The following ERC1 variants were observed in gnomAD, a reference collection of about 807,000 sequenced individuals.
ERC1 encodes the protein ELKS/RAB6-interacting/CAST family member 1, also known as RAB6 interacting protein 2.
In ERC1, 56 loss-of-function variants were observed where a neutral mutation model predicts 132.0. The observed-to-expected ratio is 0.42, with a 90% CI of 0.34 to 0.53. ERC1 has a LOEUF of 0.53. Among genes scored for constraint, ERC1 ranks in the 20% least tolerant of loss-of-function variants. The probability of loss-of-function intolerance (pLI) is 0.03; values close to 1 mark genes in which losing one functional copy is unlikely to be tolerated. For synonymous variants in ERC1, 478 were observed against 476.1 expected, an observed-to-expected ratio of 1.00 and a Z score of -0.05; for missense variants, 1,202 against 1,349.9, an observed-to-expected ratio of 0.89 and a Z score of 1.72.
intron 8 of ERC1, among the ~76,000 whole-genome samples, chr12:1,154,223 GTA>G (rs1376437996): frequency 3.9e-4 from 28 of 71,696 alleles, no homozygotes; most frequent in African/African-American, 2.2e-3. Flanking sequence ...GTATGTATAT[GTA>G]TATGTATATG....
At chr12:1,064,730 G>A (rs1449089202) in intron 2 of ERC1, among the ~76,000 whole-genome samples, 1 of 152,128 alleles carries the variant, frequency 6.6e-6, no homozygotes, top group Non-Finnish European at 1.5e-5. Flanking sequence ...TGACAACTTG[G>A]CAATAATGTA....
intron 2 of ERC1, among the ~76,000 whole-genome samples, chr12:1,063,740 T>C (rs1429138774): frequency 6.6e-6 from 1 of 152,218 alleles, no homozygotes; most frequent in African/African-American, 2.4e-5. Flanking sequence ...TCCTGTCATT[T>C]TGTTGTTTTC....
chr12:1,067,775 A>G (rs1357211766), intron 2 of ERC1, among the ~76,000 whole-genome samples: 1 of 152,178 alleles, frequency 6.6e-6, no homozygotes, highest in Non-Finnish European at 1.5e-5. Context: ...AAAGGTACAT[A>G]TGAATCAGCA....
intron 12 of ERC1, among the ~76,000 whole-genome samples, chr12:1,226,144 C>G (rs1173014292): frequency 2.6e-5 from 4 of 152,030 alleles, no homozygotes; most frequent in Admixed American, 6.5e-5. Flanking sequence ...TGGCTGAATT[C>G]TTCTGTAGAT....
intron 15 of ERC1, among the ~76,000 whole-genome samples, chr12:1,366,476 C>T (rs186794049): frequency 1.2e-4 from 18 of 152,240 alleles, no homozygotes; most frequent in African/African-American, 4.3e-4. Context: ...GAGAAAGCTA[C>T]AGGCATTTCA....
At chr12:1,287,409 A>G (rs964314122) in intron 14 of ERC1, among the ~76,000 whole-genome samples, 3 of 152,210 alleles carry the variant, frequency 2.0e-5, no homozygotes, top group Admixed American at 6.5e-5. Flanking sequence ...GTGCCCGGAT[A>G]CTTGCTCCGA....
chr12:1,205,379 GTA>G (rs1021022984), intron 12 of ERC1, among the ~76,000 whole-genome samples: 268 of 145,508 alleles, frequency 1.8e-3, no homozygotes, highest in African/African-American at 4.0e-3. Flanking sequence ...GTGTGTGTGT[GTA>G]TATATATATA....
intron 18 of ERC1, among the ~76,000 whole-genome samples, chr12:1,488,627 G>A (rs118024086): frequency 0.011 from 1,716 of 152,246 alleles, 12 homozygotes; most frequent in Non-Finnish European, 0.016. Flanking sequence ...TGAACTGATC[G>A]GCAGAACTGA....
intron 16 of ERC1, among the ~76,000 whole-genome samples, chr12:1,394,792 A>G (rs1488347780): frequency 1.3e-5 from 2 of 152,174 alleles, no homozygotes; most frequent in Non-Finnish European, 2.9e-5. Context: ...GACTGAGTCA[A>G]TTGAACCAAT....
At chr12:1,469,495 G>A (rs78335020) in intron 18 of ERC1, among the ~76,000 whole-genome samples, 6,732 of 152,338 alleles carry the variant, frequency 0.044, 374 homozygotes, top group African/African-American at 0.13. Context: ...AGGACCTGGC[G>A]GTCCTTCCAG....
At chr12:1,208,566 G>A (rs1309618288) in intron 12 of ERC1, among the ~76,000 whole-genome samples, 1 of 151,970 alleles carries the variant, frequency 6.6e-6, no homozygotes, top group East Asian at 1.9e-4. Flanking sequence ...GGAGCATGGG[G>A]GTGAAGGGTT....
rs1320591072 is a variant in ERC1, at chr12:1,232,381, C to G, written c.2352-4388C>G. Among the ~76,000 whole-genome samples the G allele has an allele frequency of 5.3e-5, 8 of 152,214 alleles. No individual in the cohort carries two copies. The South Asian group carries it at 1.2e-3, about 24-fold the overall frequency. On this transcript the variant is annotated intron_variant, in intron 12 of 18. Transcript: ENST00000360905. Reference sequence around the variant, plus strand: ...GAGAGATTCTCAGGCAACAGACATTCATTTACGTGAGCTAGGTATTTCTTC... The same window carrying G: ...GAGAGATTCTCAGGCAACAGACATTGATTTACGTGAGCTAGGTATTTCTTC...
chr12:1,491,421 G>A lies in ERC1; in HGVS notation c.*1191G>A. On this transcript the variant is annotated 3_prime_UTR_variant, in exon 19 of 19. Transcript: ENST00000360905. ...TTCATTCAGAGAATATTTATGAAATGCCTACTGTGTGCAAGTCATCCATCC... is the reference window on the plus strand; with the variant it reads ...TTCATTCAGAGAATATTTATGAAATACCTACTGTGTGCAAGTCATCCATCC... The A allele has an allele frequency of 4.3e-6, 1 of 230,806 alleles. No individual in the cohort carries two copies. The highest frequency in any genetic ancestry group is 1.3e-3 in the Middle Eastern group (1 of 766). The allele number at this position is 230,806 out of a possible 1,614,324, so 14.3% of individuals were successfully genotyped here. A position where few individuals can be genotyped will look rare whatever the true frequency, so the allele number is the denominator to read the frequency against.
intron 2 of ERC1, among the ~76,000 whole-genome samples, chr12:1,042,211 G>T (rs1970332374): frequency 6.6e-6 from 1 of 151,836 alleles, no homozygotes; most frequent in South Asian, 2.1e-4. Flanking sequence ...CTATTTTTTT[G>T]TATTTTTAGT....
At position 1,484,043 on chromosome 12, in the gene ERC1, C is replaced by T. The variant is rs370923592; in HGVS notation, c.3214-6050C>T. On this transcript the variant is annotated intron_variant, in intron 18 of 18. Coordinates refer to ENST00000360905, the MANE Select transcript of ERC1 (RefSeq NM_178040.4). ...TGTTCCAGCCGGGCGTGGTGGCTCA[C>T]GCCTGTAATCCCAGCACTTTGGGAG... Among the ~76,000 whole-genome samples the T allele has an allele frequency of 5.2e-4, 77 of 147,970 alleles. 1 individual carries two copies. The highest frequency in any genetic ancestry group is 7.9e-4 in the Non-Finnish European group (53 of 67,094).
At chr12:1,450,476 G>T (rs992495836) in intron 18 of ERC1, among the ~76,000 whole-genome samples, 2 of 152,208 alleles carry the variant, frequency 1.3e-5, no homozygotes, top group Admixed American at 6.6e-5. Context: ...AGGAAATGCT[G>T]TGTCAGAATT....
At chr12:1,102,716 G>C (rs768727298) in intron 3 of ERC1, among the ~76,000 whole-genome samples, 13 of 152,172 alleles carry the variant, frequency 8.5e-5, no homozygotes, top group Admixed American at 8.5e-4. Context: ...GTACATTCTC[G>C]TAGAGAATAA....
Position 1,301,345 on chromosome 12 carries a change from TAAAAC to T in ERC1, c.2780+11336_2780+11340del, listed in dbSNP as rs767494778. Among the ~76,000 whole-genome samples, 11 of 152,138 alleles carry T rather than the reference TAAAAC, an allele frequency of 7.2e-5. No individual in the cohort carries two copies. The East Asian group carries it at 2.1e-3, about 29-fold the overall frequency. On this transcript the variant is annotated intron_variant, in intron 15 of 18. Transcript: ENST00000360905. ...CTTAAACCCCAAAAGCTATTTGAAA[TAAAAC>T]AAGACACATGTACACATATGTTCAT...
intron 3 of ERC1, among the ~76,000 whole-genome samples, chr12:1,093,951 ATT>A (rs1330942715): frequency 1.6e-5 from 1 of 62,986 alleles, no homozygotes; most frequent in African/African-American, 5.5e-5. Flanking sequence ...AAATATATAT[ATT>A]TTTCTATATA....
Sources: gnomAD v4.1 joint callset for allele counts (sites outside exome capture counted in the v4.1 genomes callset) on GRCh38, gnomAD v4.1.1 for gene constraint, MANE v1.5 for transcripts, NCBI Gene and HGNC (gene_info 2026-07-23, HGNC 2026-07-21) for gene names.